The following ITGA8 variants were observed in gnomAD, a reference collection of about 807,000 sequenced individuals.
The protein encoded by ITGA8 is integrin subunit alpha 8.
In ITGA8, 91 loss-of-function variants were observed where a neutral mutation model predicts 142.3. That is an observed-to-expected ratio of 0.64 (90% CI 0.54 to 0.76). The LOEUF is 0.76. Ranked by LOEUF, ITGA8 falls within the 30% of genes least tolerant of loss-of-function variation. The pLI is 0.00. For synonymous variants in ITGA8, 505 were observed against 485.2 expected, an observed-to-expected ratio of 1.04 and a Z score of -0.54; for missense variants, 1,406 against 1,327.7, an observed-to-expected ratio of 1.06 and a Z score of -0.92.
chr10:15,523,459 A>G (rs1256964050), intron 28 of ITGA8, among the ~76,000 whole-genome samples: 1 of 152,220 alleles, frequency 6.6e-6, no homozygotes, highest in Non-Finnish European at 1.5e-5. Context: ...ATTTGCTCCC[A>G]AAGAGCCTGA....
At chr10:15,620,569 A>T (rs114328791) in intron 13 of ITGA8, among the ~76,000 whole-genome samples, 273 of 152,338 alleles carry the variant, frequency 1.8e-3, no homozygotes, top group African/African-American at 6.4e-3. Context: ...GAGGCAAAGA[A>T]AACAGTTACC....
At chr10:15,581,693 G>A (rs1048795852) in intron 23 of ITGA8, among the ~76,000 whole-genome samples, 28 of 152,056 alleles carry the variant, frequency 1.8e-4, no homozygotes, top group Non-Finnish European at 3.5e-4. Context: ...GAAGATACTA[G>A]GAAATGTGCA....
rs144573773 is a variant in ITGA8 at position 15,622,242 on chromosome 10, A to G, written c.1400-5683T>C. Among the ~76,000 whole-genome samples the G allele has an allele frequency of 3.8e-4, 58 of 152,224 alleles. 1 individual carries two copies. The highest frequency in any genetic ancestry group is 1.3e-3 in the African/African-American group (54 of 41,530). ...AGTCTCTGTGGCCACCCAAGCACCT[A>G]TACTTCCTAAGCTAAGTCACCTTCC... On this transcript the variant is annotated intron_variant, in intron 13 of 29. Coordinates refer to ENST00000378076, the MANE Select transcript of ITGA8 (RefSeq NM_003638.3).
chr10:15,656,856 G>A (rs776461709), intron 10 of ITGA8, among the ~76,000 whole-genome samples: 23 of 152,158 alleles, frequency 1.5e-4, no homozygotes, highest in Non-Finnish European at 2.5e-4. Context: ...CAATCCCTTA[G>A]AAAGCACACG....
chr10:15,645,914 A>G (rs1178998656), intron 12 of ITGA8, among the ~76,000 whole-genome samples: 1 of 152,222 alleles, frequency 6.6e-6, no homozygotes, highest in Non-Finnish European at 1.5e-5. Context: ...CTACGAGTTT[A>G]ACACTACTTT....
intron 29 of ITGA8, among the ~76,000 whole-genome samples, chr10:15,518,780 C>A (rs192038254): frequency 2.0e-5 from 3 of 152,252 alleles, no homozygotes; most frequent in Admixed American, 2.0e-4. Context: ...GATTAAAAAC[C>A]AAGTCCAGGC....
chr10:15,580,083 T>C (rs549206336), intron 23 of ITGA8, among the ~76,000 whole-genome samples: 3 of 145,752 alleles, frequency 2.1e-5, no homozygotes, highest in Non-Finnish European at 4.5e-5. Context: ...AAGCAGATTC[T>C]TTGAAAAGAT....
intron 8 of ITGA8, among the ~76,000 whole-genome samples, chr10:15,664,815 T>G (rs1588708006): frequency 6.6e-6 from 1 of 152,136 alleles, no homozygotes; most frequent in South Asian, 2.1e-4. Flanking sequence ...TGGTTTCCAG[T>G]TTCATCCATG....
chr10:15,532,418 C>CAAAAAAAAAAAAAAAAAA (rs35130036), intron 27 of ITGA8, among the ~76,000 whole-genome samples: 3 of 27,838 alleles, frequency 1.1e-4, no homozygotes, highest in African/African-American at 6.3e-4. Flanking sequence ...GACTCCCTCT[C>CAAAAAAAAAAAAAAAAAA]AAAAAAAAAA....
Position 15,606,407 on chromosome 10 carries a change from G to A in ITGA8, c.1780C>T (p.Arg594Ter), listed in dbSNP as rs557100363. Residue 594 changes from arginine (R) to a stop codon, truncating the protein, a stop_gained, in exon 18 of 30, where the codon CGA (arginine) becomes TGA (stop). Coordinates refer to ENST00000378076, the MANE Select transcript of ITGA8 (RefSeq NM_003638.3). LOFTEE classifies it high-confidence loss of function. ...ATGTTGATTGGAGATAATTTATCTC[G>A]GAATTCAGTTTCATCCTAGGAAAAA... ...IVYLRDETEF[R>*]DKLSPINISL... 16 of 1,593,442 alleles carry A rather than the reference G, an allele frequency of 1.0e-5. No homozygotes were observed. The South Asian group carries it at 1.0e-4, about 10-fold the overall frequency.
chr10:15,536,293 A>AG (rs1178570668), intron 27 of ITGA8, among the ~76,000 whole-genome samples: 1 of 152,094 alleles, frequency 6.6e-6, no homozygotes, highest in Non-Finnish European at 1.5e-5. Context: ...CCTTGTTGGA[A>AG]GGAAAAAAAA....
intron 27 of ITGA8, among the ~76,000 whole-genome samples, chr10:15,535,660 C>G (rs1056263876): frequency 6.6e-6 from 1 of 152,044 alleles, no homozygotes. Context: ...GGATTGTAAA[C>G]GCACCAATCA....
At chr10:15,609,881 A>G (rs1833260806) in intron 15 of ITGA8, among the ~76,000 whole-genome samples, 1 of 152,226 alleles carries the variant, frequency 6.6e-6, no homozygotes, top group Admixed American at 6.5e-5. Flanking sequence ...TTTAATACAA[A>G]CAATTCAAAA....
At chr10:15,543,745 T>TATTTGGGTAAGAC (rs1833617419) in intron 27 of ITGA8, among the ~76,000 whole-genome samples, 2 of 152,232 alleles carry the variant, frequency 1.3e-5, no homozygotes, top group Non-Finnish European at 2.9e-5. Flanking sequence ...AATAATGTCT[T>TATTTGGGTAAGAC]ACCCAAATTC....
chr10:15,712,589 A>G (rs1835382000), intron 2 of ITGA8, among the ~76,000 whole-genome samples: 1 of 152,170 alleles, frequency 6.6e-6, no homozygotes, highest in African/African-American at 2.4e-5. Context: ...TGACAGAACC[A>G]GACTCCATTT....
At chr10:15,627,130 CT>C in intron 13 of ITGA8, among the ~76,000 whole-genome samples, 1 of 152,174 alleles carries the variant, frequency 6.6e-6, no homozygotes, top group East Asian at 1.9e-4. Context: ...TACTTAGAGT[CT>C]ATCAATCAAC....
chr10:15,718,934 G>A, intron 1 of ITGA8, 35 bp from the exon 2 acceptor site: 1 of 1,613,368 alleles, frequency 6.2e-7, no homozygotes, highest in Admixed American at 1.7e-5. Flanking sequence ...CTCTTTGGGC[G>A]CCACAAAACC....
chr10:15,617,399 G>GTTT (rs11448806), intron 13 of ITGA8, among the ~76,000 whole-genome samples: 2 of 147,988 alleles, frequency 1.4e-5, no homozygotes. Flanking sequence ...CAAACTGTCT[G>GTTT]TTTTTTTTTT....
intron 2 of ITGA8, among the ~76,000 whole-genome samples, chr10:15,697,153 C>T (rs1179343746): frequency 1.3e-5 from 2 of 151,928 alleles, no homozygotes; most frequent in Non-Finnish European, 2.9e-5. Context: ...CAAAAAGAAA[C>T]ATCTGCTATC....
Sources: gnomAD v4.1 joint callset for allele counts (sites outside exome capture counted in the v4.1 genomes callset) on GRCh38, gnomAD v4.1.1 for gene constraint, MANE v1.5 for transcripts, NCBI Gene and HGNC (gene_info 2026-07-23, HGNC 2026-07-21) for gene names.